Variants in WASL observed in about 807,000 individuals in gnomAD.
WASL encodes the protein actin nucleation-promoting factor WASL.
A neutral mutation model predicts 55.5 loss-of-function variants in WASL; 20 were observed. That is an observed-to-expected ratio of 0.36 (90% confidence interval 0.25 to 0.52). WASL has a LOEUF of 0.52. Ranked by LOEUF, WASL falls within the 20% of genes least tolerant of loss-of-function variation. WASL has a pLI of 0.92. For synonymous variants in WASL, 249 were observed against 217.6 expected, an observed-to-expected ratio of 1.14 and a Z score of -1.27; for missense variants, 504 against 622.5, an observed-to-expected ratio of 0.81 and a Z score of 2.03.
At chr7:123,745,964 A>G (rs899144412) in intron 1 of WASL, among the ~76,000 whole-genome samples, 2 of 152,150 alleles carry the variant, frequency 1.3e-5, no homozygotes, top group African/African-American at 4.8e-5. Flanking sequence ...AACCTTTATA[A>G]AAATAGTTTC....
At chr7:123,702,547 G>A (rs1031919780) in intron 5 of WASL, among the ~76,000 whole-genome samples, 1 of 151,948 alleles carries the variant, frequency 6.6e-6, no homozygotes, top group Non-Finnish European at 1.5e-5. Flanking sequence ...CCATGGATTC[G>A]ACCAACTGTG....
chr7:123,703,251 T>C (rs1467092246), intron 5 of WASL, among the ~76,000 whole-genome samples: 2 of 152,144 alleles, frequency 1.3e-5, no homozygotes, highest in Admixed American at 1.3e-4. Flanking sequence ...GGTCAAATCA[T>C]CTGATGCTGA....
At chr7:123,698,633 A>C (rs920309983) in intron 5 of WASL, among the ~76,000 whole-genome samples, 1 of 152,188 alleles carries the variant, frequency 6.6e-6, no homozygotes, top group Admixed American at 6.5e-5. Flanking sequence ...TGGATAAGAA[A>C]TAGTTTTTGG....
intron 10 of WASL, among the ~76,000 whole-genome samples, chr7:123,685,808 TATAAA>T (rs1193487651): frequency 6.7e-6 from 1 of 148,920 alleles, no homozygotes. Context: ...TATATCTATA[TATAAA>T]ATATGTATAA....
intron 10 of WASL, 34 bp downstream of exon 10, chr7:123,689,008 C>CTCTG (rs1554403503): frequency 6.6e-5 from 1 of 15,082 alleles, no homozygotes; most frequent in South Asian, 3.0e-3. Context: ...CTCTCTCTGT[C>CTCTG]TCTCTCTCTC....
At chr7:123,729,270 C>G (rs1415259140) in intron 1 of WASL, among the ~76,000 whole-genome samples, 2 of 151,508 alleles carry the variant, frequency 1.3e-5, no homozygotes, top group Non-Finnish European at 2.9e-5. Flanking sequence ...TTTTTTTGCA[C>G]TAAGTCTTAG....
At chr7:123,736,397 GT>G (rs1323154039) in intron 1 of WASL, among the ~76,000 whole-genome samples, 1 of 152,070 alleles carries the variant, frequency 6.6e-6, no homozygotes, top group Non-Finnish European at 1.5e-5. Context: ...TAAATATAAG[GT>G]TTTTTTCCCT....
chr7:123,697,733 G>A (rs1225412514), intron 5 of WASL, among the ~76,000 whole-genome samples: 2 of 152,200 alleles, frequency 1.3e-5, no homozygotes, highest in African/African-American at 2.4e-5. Flanking sequence ...CCACTTGCAA[G>A]GTTGGCCCTC....
intron 2 of WASL, among the ~76,000 whole-genome samples, chr7:123,708,526 C>T (rs1803706133): frequency 6.6e-6 from 1 of 151,708 alleles, no homozygotes; most frequent in African/African-American, 2.4e-5. Context: ...GAAATGAATA[C>T]CTAACAAGGT....
At chr7:123,735,240 A>G (rs1804206036) in intron 1 of WASL, among the ~76,000 whole-genome samples, 1 of 152,056 alleles carries the variant, frequency 6.6e-6, no homozygotes, top group Non-Finnish European at 1.5e-5. Flanking sequence ...GGTTGCTATT[A>G]AAACAGATCA....
intron 1 of WASL, among the ~76,000 whole-genome samples, chr7:123,729,485 T>C (rs2299986): frequency 0.46 from 69,698 of 152,000 alleles, 16,227 homozygotes; most frequent in South Asian, 0.67. Context: ...AGAGCTTTTT[T>C]CAAAGTCTCG....
intron 10 of WASL, 34 bp from the exon 11 acceptor site, chr7:123,684,614 A>G: frequency 6.7e-7 from 1 of 1,491,960 alleles, no homozygotes; most frequent in African/African-American, 1.4e-5. Flanking sequence ...AAACATATGC[A>G]TAAATAAAAT....
At chr7:123,721,294 A>C (rs1803938751) in intron 1 of WASL, among the ~76,000 whole-genome samples, 1 of 133,138 alleles carries the variant, frequency 7.5e-6, no homozygotes, top group African/African-American at 2.8e-5. Context: ...ACTTTATATA[A>C]ATAAGCACTT....
At chr7:123,747,739 G>A (rs533623602) in intron 1 of WASL, among the ~76,000 whole-genome samples, 1 of 152,214 alleles carries the variant, frequency 6.6e-6, no homozygotes, top group East Asian at 1.9e-4. Context: ...CTACACCACA[G>A]AGCAGAACCT....
At chr7:123,706,878 G>T in intron 2 of WASL, 52 bp from the exon 3 acceptor site, 2 of 1,150,146 alleles carry the variant, frequency 1.7e-6, no homozygotes, top group South Asian at 1.6e-5. Flanking sequence ...TAATCTCTAG[G>T]AATAAAACAA....
rs1355252637 is a variant in WASL at position 123,683,385 on chromosome 7, A to C, written c.*1134T>G. The C allele has an allele frequency of 6.6e-6, 1 of 151,914 alleles. No individual in the cohort carries two copies. Among genetic ancestry groups the C allele is most frequent in the East Asian group, 1.9e-4 (1 of 5,194 alleles). 9.4% of individuals were successfully genotyped at this position (151,914 alleles called of 1,614,324 possible). On this transcript the variant is annotated 3_prime_UTR_variant, in exon 11 of 11. Coordinates refer to ENST00000223023, the MANE Select transcript of WASL (RefSeq NM_003941.4). ...TAAAGTTTTATCTTTAAAAAAAAAA[A>C]ATCTATCATTCAGTTATCTGTTCCA... is the stretch of plus-strand genomic sequence containing the variant.
Position 123,684,369 on chromosome 7 carries a change from T to C in WASL, c.*150A>G, listed in dbSNP as rs1803252694. The C allele has an allele frequency of 6.1e-6, 2 of 327,156 alleles. No homozygotes were observed. Among genetic ancestry groups the C allele is most frequent in the Admixed American group, 3.8e-5 (1 of 26,032 alleles). The allele number at this position is 327,156 out of a possible 1,614,324, so 20.3% of individuals were successfully genotyped here. On this transcript the variant is annotated 3_prime_UTR_variant, in exon 11 of 11. Coordinates refer to ENST00000223023, the MANE Select transcript of WASL (RefSeq NM_003941.4). ...ACAAACCTTTACAGATTAAATGAGG[T>C]ATTGCACAGATTAAAAAAAAGCAAA...
At chr7:123,722,517 G>A (rs1014791110) in intron 1 of WASL, among the ~76,000 whole-genome samples, 7 of 152,188 alleles carry the variant, frequency 4.6e-5, no homozygotes, top group African/African-American at 7.2e-5. Context: ...AAGGAGATAT[G>A]TTTAGAAAAA....
At chr7:123,746,283 T>C (rs928089771) in intron 1 of WASL, among the ~76,000 whole-genome samples, 1 of 152,222 alleles carries the variant, frequency 6.6e-6, no homozygotes, top group African/African-American at 2.4e-5. Context: ...TACATGTTTG[T>C]TGAATGAAAG....
Sources: gnomAD v4.1 joint callset for allele counts (sites outside exome capture counted in the v4.1 genomes callset) on GRCh38, gnomAD v4.1.1 for gene constraint, MANE v1.5 for transcripts, NCBI Gene and HGNC (gene_info 2026-07-23, HGNC 2026-07-21) for gene names.